The following NAB1 variants were observed in gnomAD, a reference collection of about 807,000 sequenced individuals.
NAB1 encodes NGFI-A-binding protein 1.
In NAB1, 25 loss-of-function variants were observed where a neutral mutation model predicts 49.9. The observed-to-expected ratio is 0.50, with a 90% CI of 0.37 to 0.70. NAB1 has a LOEUF of 0.70. Ranked by LOEUF, NAB1 falls within the 30% of genes least tolerant of loss-of-function variation. The pLI is 0.00. For missense variants in NAB1, 489 were observed against 575.9 expected, an observed-to-expected ratio of 0.85 and a Z score of 1.54; for synonymous variants, 198 against 215.6, an observed-to-expected ratio of 0.92 and a Z score of 0.71.
At chr2:190,672,987 T>G in intron 5 of NAB1, 114 bp from the exon 6 acceptor site, 1 of 802,092 alleles carries the variant, frequency 1.2e-6, no homozygotes. Context: ...TCATTTCTGG[T>G]GTTGGAGTTT....
In NAB1 at chr2:190,678,944, T is replaced by C. The variant is rs909513576; in HGVS notation, c.1006-4794T>C. 6.6e-6 allele frequency among the ~76,000 whole-genome samples: 1 copy of C among 152,234 alleles called. No individual in the cohort carries two copies. Among genetic ancestry groups the C allele is most frequent in the African/African-American group, 2.4e-5 (1 of 41,462 alleles). On this transcript the variant is annotated intron_variant, in intron 6 of 9. Transcript: ENST00000337386. This position sits in a 1 kb window ranked among gnomAD's most constrained non-coding sequence, Gnocchi z 4.9. The stretch of plus-strand genomic sequence containing the variant: ...TGGCTTTAAAGCAGCTTGCTAGTGT[T>C]CGGCAGAAAGGATGAGGAGGCATGG...
chr2:190,664,586 CTTTTTTTTTTTTTTTT>C (rs71027237), intron 4 of NAB1, among the ~76,000 whole-genome samples: 2 of 61,092 alleles, frequency 3.3e-5, no homozygotes, highest in East Asian at 5.3e-4. Flanking sequence ...TTCTTCTTTC[CTTTTTTTTTTTTTTTT>C]TTTTTTTTTT....
chr2:190,670,577 T>A lies in NAB1; in HGVS notation c.953+118T>A. 1 of 1,138,378 alleles carries A rather than the reference T, an allele frequency of 8.8e-7. No individual in the cohort carries two copies. The highest frequency in any genetic ancestry group is 1.2e-6 in the Non-Finnish European group (1 of 806,310). The allele number at this position is 1,138,378 out of a possible 1,614,324, so 70.5% of individuals were successfully genotyped here. ...AAAAGTGGAAGTATGATTATTGTTC[T>A]ATGAAACTAAACAATGCAGTGATTT... On this transcript the variant is annotated intron_variant, in intron 5 of 9. Transcript: ENST00000337386. This position sits in a 1 kb window ranked among gnomAD's most constrained non-coding sequence, Gnocchi z 5.3.
At position 190,659,565 on chromosome 2, in the gene NAB1, G is replaced by T; in HGVS notation, c.389G>T (p.Cys130Phe). The T allele has an allele frequency of 6.2e-7, 1 of 1,614,226 alleles. No homozygotes were observed. Among genetic ancestry groups the T allele is most frequent in the South Asian group, 1.1e-5 (1 of 91,080 alleles). Reference protein sequence around the residue: ...AREPHLKIPKCAATTCVQSLG... With the variant: ...AREPHLKIPKFAATTCVQSLG... ...GAACCTCATTTAAAAATCCCCAAAT[G>T]TGCTGCCACCACCTGTGTGCAGAGC... The change falls in exon 4 of 10, where the codon TGT (cysteine) becomes TTT (phenylalanine). Residue 130 changes from cysteine to phenylalanine, a missense_variant. By Grantham distance (205) the Cys-to-Phe change is radical (BLOSUM62 -2). Transcript: ENST00000337386. The surrounding 1 kb of genome is among the most constrained non-coding windows in gnomAD (Gnocchi z 6.2).
chr2:190,671,753 T>C (rs963830502), intron 5 of NAB1, among the ~76,000 whole-genome samples: 2 of 151,048 alleles, frequency 1.3e-5, no homozygotes, highest in African/African-American at 4.9e-5. Flanking sequence ...TCCTCTAGTA[T>C]TTACCTTCAC....
In NAB1 at chr2:190,663,604, G is replaced by C. The variant is rs1392368177; in HGVS notation, c.819+3609G>C. 6.6e-6 allele frequency among the ~76,000 whole-genome samples: 1 copy of C among 152,112 alleles called. No homozygotes were observed. Among genetic ancestry groups the C allele is most frequent in the African/African-American group, 2.4e-5 (1 of 41,442 alleles). On this transcript the variant is annotated intron_variant, in intron 4 of 9. Coordinates refer to ENST00000337386, the MANE Select transcript of NAB1 (RefSeq NM_005966.4). The surrounding 1 kb of genome is among the most constrained non-coding windows in gnomAD (Gnocchi z 4.2). ...AAGCTTGCCAACCTCTGATCTTTTT[G>C]AAGAAGCCACTCTGGGCTTAGTTGC...
At chr2:190,649,036 A>C (rs1693493507), upstream of NAB1, 3 of 127,558 alleles carry the variant, frequency 2.4e-5, no homozygotes, top group Non-Finnish European at 5.1e-5. The surrounding 1 kb of genome is among the most constrained non-coding windows in gnomAD (Gnocchi z 6.1). Context: ...CGCGCGGGGA[A>C]GGCAGGGGAG....
chr2:190,683,184 C>A (rs774186992), intron 6 of NAB1, among the ~76,000 whole-genome samples: 2 of 151,912 alleles, frequency 1.3e-5, no homozygotes, highest in Non-Finnish European at 2.9e-5. Flanking sequence ...AGTCTCGGCT[C>A]ACTGCAACCT....
chr2:190,684,027 T>C lies in NAB1; in HGVS notation c.1095+200T>C, dbSNP rs1695487956. ...TTTGATTCAGTTTATGAACGGAATC[T>C]GATATGGTGCTACTTATTTATTCTT... On this transcript the variant is annotated intron_variant, in intron 7 of 9. Coordinates refer to ENST00000337386, the MANE Select transcript of NAB1 (RefSeq NM_005966.4). The surrounding 1 kb of genome is among the most constrained non-coding windows in gnomAD (Gnocchi z 4.6). Among the ~76,000 whole-genome samples, 1 of 152,230 alleles carries C rather than the reference T, an allele frequency of 6.6e-6. No individual in the cohort carries two copies. The highest frequency in any genetic ancestry group is 2.4e-5 in the African/African-American group (1 of 41,456).
At chr2:190,688,886 C>T (rs528639525) in intron 9 of NAB1, among the ~76,000 whole-genome samples, 2 of 151,178 alleles carry the variant, frequency 1.3e-5, no homozygotes, top group Middle Eastern at 6.8e-3. Flanking sequence ...CTCGCCCAGG[C>T]TGGAGTGCAG....
chr2:190,660,609 A>G (rs1694173054), intron 4 of NAB1, among the ~76,000 whole-genome samples: 1 of 152,218 alleles, frequency 6.6e-6, no homozygotes, highest in Non-Finnish European at 1.5e-5. Context: ...ACGTGTGTGT[A>G]TAAACTTTGG....
intron 7 of NAB1, 112 bp downstream of exon 7, chr2:190,683,939 G>A (rs998224575): frequency 4.2e-5 from 35 of 834,190 alleles, no homozygotes; most frequent in South Asian, 2.0e-4. Context: ...TTTTATTTCC[G>A]TTTGTTTTTT....
chr2:190,650,303 C>G (rs919124427), intron 2 of NAB1, among the ~76,000 whole-genome samples: 18 of 152,146 alleles, frequency 1.2e-4, no homozygotes, highest in African/African-American at 4.3e-4. Context: ...TTTGGAGTAA[C>G]TTGTCACTAC....
In NAB1 at chr2:190,682,054, T is replaced by G. The variant is rs559940285; in HGVS notation, c.1006-1684T>G. Among the ~76,000 whole-genome samples the G allele has an allele frequency of 1.3e-5, 2 of 152,188 alleles. No individual in the cohort carries two copies. The highest frequency in any genetic ancestry group is 2.9e-5 in the Non-Finnish European group (2 of 68,030). On this transcript the variant is annotated intron_variant, in intron 6 of 9. Transcript: ENST00000337386. The surrounding 1 kb of genome is among the most constrained non-coding windows in gnomAD (Gnocchi z 4.1). ...TACTAAAACCATGCTGTCATGATAT[T>G]TTGTAGTTATAATGATCATGAGCAA... is the stretch of plus-strand genomic sequence containing the variant.
chr2:190,686,677 G>T lies in NAB1; in HGVS notation c.1259-524G>T, dbSNP rs565954555. ...TAATTTGTGACACCAGGATAATTCA[G>T]TGTGGGGTGACAATTTGCTAATGTG... On this transcript the variant is annotated intron_variant, in intron 8 of 9. Coordinates refer to ENST00000337386, the MANE Select transcript of NAB1 (RefSeq NM_005966.4). The surrounding 1 kb of genome is among the most constrained non-coding windows in gnomAD (Gnocchi z 5.5). Among the ~76,000 whole-genome samples, 214 of 152,312 alleles carry T rather than the reference G, an allele frequency of 1.4e-3. 1 individual carries two copies. Among genetic ancestry groups the T allele is most frequent in the African/African-American group, 4.9e-3 (202 of 41,580 alleles).
At chr2:190,687,146 G>A in intron 8 of NAB1, 55 bp from the exon 9 acceptor site, 1 of 1,180,344 alleles carries the variant, frequency 8.5e-7, no homozygotes, top group Non-Finnish European at 1.2e-6. Flanking sequence ...TTATTTTTAA[G>A]AAAAACCATG....
chr2:190,660,072 T>G, intron 4 of NAB1, 77 bp downstream of exon 4: 2 of 1,333,918 alleles, frequency 1.5e-6, no homozygotes, highest in Non-Finnish European at 2.1e-6. Context: ...TGGTAATAGT[T>G]TGCCACAAAT....
chr2:190,673,109 G>C lies in NAB1; in HGVS notation c.962G>C (p.Cys321Ser). ...TCTCCCCTTTCCCTTAGGTCAAAAT[G>C]TGGAGAAAGAGATGAATTATCCCCA... ...KYTYRTTKSK[C>S]GERDELSPKR... is the part of the protein sequence containing the mutation. Residue 321 changes from cysteine to serine, a missense_variant, in exon 6 of 10, where the codon TGT becomes TCT. Physicochemically the swap from Cys to Ser is moderately radical, Grantham distance 112. Coordinates refer to ENST00000337386, the MANE Select transcript of NAB1 (RefSeq NM_005966.4). 6.3e-7 allele frequency: 1 copy of C among 1,594,056 alleles called. No homozygotes were observed. Among genetic ancestry groups the C allele is most frequent in the South Asian group, 1.1e-5 (1 of 90,454 alleles).
At chr2:190,672,112 T>A (rs1694843452) in intron 5 of NAB1, among the ~76,000 whole-genome samples, 1 of 152,108 alleles carries the variant, frequency 6.6e-6, no homozygotes, top group Non-Finnish European at 1.5e-5. Context: ...TTAAAATATG[T>A]TAACACTTTT....
Sources: allele counts gnomAD v4.1 joint callset (sites outside exome capture counted in the v4.1 genomes callset), GRCh38; gene constraint gnomAD v4.1.1; non-coding constraint Gnocchi (gnomAD v3.1); transcripts MANE v1.5; gene names NCBI Gene and HGNC (gene_info 2026-07-23, HGNC 2026-07-21).